ESCO2: variants seen among roughly 807,000 people sequenced by gnomAD.
ESCO2 encodes establishment of sister chromatid cohesion N-acetyltransferase 2.
ESCO2 carries 51 observed loss-of-function variants against 61.7 expected under a neutral mutation model. That is an observed-to-expected ratio of 0.83 (90% CI 0.66 to 1.04). ESCO2 has a LOEUF of 1.04. Ranked by LOEUF, ESCO2 falls within the 50% of genes least tolerant of loss-of-function variation. The pLI is 0.00. For synonymous variants in ESCO2, 230 were observed against 238.2 expected, an observed-to-expected ratio of 0.97 and a Z score of 0.32; for missense variants, 692 against 686.2, an observed-to-expected ratio of 1.01 and a Z score of -0.09.
chr8:27,793,471 TTTTC>T (rs1203474541), intron 9 of ESCO2, among the ~76,000 whole-genome samples: 1 of 143,264 alleles, frequency 7.0e-6, no homozygotes, highest in African/African-American at 2.6e-5. Flanking sequence ...GCAATTTTCT[TTTTC>T]TTTGTTTTTT....
chr8:27,817,125 TGTGA>T (rs746181343), downstream of ESCO2, among the ~76,000 whole-genome samples: 1 of 152,174 alleles, frequency 6.6e-6, no homozygotes, highest in South Asian at 2.1e-4. Flanking sequence ...CTACAAAAGC[TGTGA>T]GTGAGTCCAG....
chr8:27,785,593 A>G (rs1280293357), intron 5 of ESCO2, among the ~76,000 whole-genome samples: 9 of 151,254 alleles, frequency 6.0e-5, no homozygotes, highest in Admixed American at 5.9e-4. Flanking sequence ...CCAGCTACTC[A>G]GGAAGCTGAG....
chr8:27,795,349 CT>C (rs1370494314), intron 9 of ESCO2, among the ~76,000 whole-genome samples: 3 of 152,086 alleles, frequency 2.0e-5, no homozygotes, highest in African/African-American at 7.2e-5. Context: ...AGAAACACTA[CT>C]GACTTTTGTA....
chr8:27,775,407 C>G, intron 1 of ESCO2, 92 bp from the exon 2 acceptor site: 3 of 1,122,952 alleles, frequency 2.7e-6, no homozygotes, highest in Admixed American at 1.7e-5. Flanking sequence ...AGGGTTTTAA[C>G]TTGGTGTGAA....
downstream of ESCO2, chr8:27,808,304 T>G (rs538067849): frequency 1.9e-4 from 149 of 801,304 alleles, 1 homozygote; most frequent in South Asian, 2.8e-3. Context: ...TCCTGGAGGC[T>G]TCTACAGATT....
intron 7 of ESCO2, among the ~76,000 whole-genome samples, chr8:27,790,131 CAT>C (rs1805144316): frequency 6.6e-6 from 1 of 152,216 alleles, no homozygotes. Flanking sequence ...CACCTTGTCA[CAT>C]GACACATTCC....
chr8:27,814,019 T>C (rs115111278), downstream of ESCO2, among the ~76,000 whole-genome samples: 576 of 152,306 alleles, frequency 3.8e-3, 5 homozygotes, highest in African/African-American at 0.013. Flanking sequence ...TCAGGACCGA[T>C]AGGATGTCCT....
At position 27,780,178 on chromosome 8, in the gene ESCO2, C is replaced by G; in HGVS notation, c.866C>G (p.Ser289Ter). The G allele has an allele frequency of 1.3e-6, 2 of 1,594,116 alleles. No individual in the cohort carries two copies. The highest frequency in any genetic ancestry group is 1.7e-6 in the Non-Finnish European group (2 of 1,164,232). The part of the protein sequence containing the change: ...SKNKEKLIKD[S>*]SDDRVSSKEH... ...TTTTTTTAAACCTATTTTCAGGATT[C>G]ATCAGATGACAGAGTTTCTTCAAAG... The change falls in exon 4 of 11, where the codon TCA becomes TGA. Residue 289 changes from serine to a stop codon, truncating the protein, a stop_gained. Transcript: ENST00000305188. LOFTEE classifies it high-confidence loss of function.
Position 27,776,357 on chromosome 8 carries a change from T to C in ESCO2, c.54-5T>C, listed in dbSNP as rs2128951006. The C allele has an allele frequency of 1.9e-6, 3 of 1,599,722 alleles. 1 individual carries two copies. In the South Asian group the frequency reaches 3.4e-5, roughly 18 times the overall value. ...CTTATCAATGGACTTTGTTTCTTTT[T>C]ATAGCCTTTTACACTTCACTGAAAA... On this transcript the variant is annotated splice_region_variant and splice_polypyrimidine_tract_variant and intron_variant, in intron 2 of 10. Transcript: ENST00000305188.
intron 9 of ESCO2, among the ~76,000 whole-genome samples, chr8:27,797,290 T>C (rs892335681): frequency 6.6e-6 from 1 of 152,228 alleles, no homozygotes; most frequent in African/African-American, 2.4e-5. Flanking sequence ...TATTTACAAC[T>C]GTTTTATCTT....
downstream of ESCO2, among the ~76,000 whole-genome samples, chr8:27,806,520 A>G (rs1805566673): frequency 6.6e-6 from 1 of 152,214 alleles, no homozygotes; most frequent in Non-Finnish European, 1.5e-5. Flanking sequence ...AAAGCTACCA[A>G]CAACAAAAAA....
chr8:27,792,880 T>C, intron 9 of ESCO2, 69 bp downstream of exon 9: 6 of 1,487,464 alleles, frequency 4.0e-6, no homozygotes, highest in South Asian at 2.7e-5. Context: ...GGGAGAAGTC[T>C]CAGCATTTAA....
chr8:27,790,123 C>G (rs1427288825), intron 7 of ESCO2, among the ~76,000 whole-genome samples: 2 of 152,188 alleles, frequency 1.3e-5, no homozygotes, highest in Non-Finnish European at 2.9e-5. Context: ...CCCCTGCCCA[C>G]CTTGTCACAT....
rs1382129932 is a variant in ESCO2 at position 27,804,539 on chromosome 8, T to G, written c.*1101T>G. On this transcript the variant is annotated 3_prime_UTR_variant, in exon 11 of 11. Coordinates refer to ENST00000305188, the MANE Select transcript of ESCO2 (RefSeq NM_001017420.3). The stretch of plus-strand genomic sequence containing the variant: ...ATACACTTAAATGTTCACACATTTT[T>G]CTAGTGTAATTCTTGGATACTTTAA... 2.0e-6 allele frequency: 2 copies of G among 985,342 alleles called. No homozygotes were observed. The highest frequency in any genetic ancestry group is 2.4e-6 in the Non-Finnish European group (2 of 829,934). 61.0% of individuals were successfully genotyped at this position (985,342 alleles called of 1,614,324 possible).
At chr8:27,783,431 T>G (rs1244920304) in intron 4 of ESCO2, among the ~76,000 whole-genome samples, 1 of 152,168 alleles carries the variant, frequency 6.6e-6, no homozygotes, top group East Asian at 1.9e-4. Flanking sequence ...TACCTTTTCA[T>G]TCTCTTTATT....
chr8:27,774,271 T>C (rs1411661551), upstream of ESCO2: 2 of 152,114 alleles, frequency 1.3e-5, no homozygotes, highest in Non-Finnish European at 2.9e-5. Context: ...CCCCAGAATG[T>C]ATCTCAACTT....
At chr8:27,782,550 G>A (rs1804948444) in intron 4 of ESCO2, among the ~76,000 whole-genome samples, 1 of 152,054 alleles carries the variant, frequency 6.6e-6, no homozygotes, top group Admixed American at 6.6e-5. Context: ...AGTTCATGTT[G>A]AGGTTGAGAT....
chr8:27,811,207 G>C, downstream of ESCO2: 1 of 1,367,276 alleles, frequency 7.3e-7, no homozygotes, highest in Non-Finnish European at 1.0e-6. Flanking sequence ...AAGGGAAACA[G>C]GCGAACGATT....
chr8:27,777,336 T>G, intron 3 of ESCO2, 167 bp downstream of exon 3: 1 of 634,230 alleles, frequency 1.6e-6, no homozygotes, highest in South Asian at 2.1e-5. Flanking sequence ...GACAGGGTCT[T>G]TCTTTATGAC....
Sources: gnomAD v4.1 joint callset for allele counts (sites outside exome capture counted in the v4.1 genomes callset) on GRCh38, gnomAD v4.1.1 for gene constraint, MANE v1.5 for transcripts, NCBI Gene and HGNC (gene_info 2026-07-23, HGNC 2026-07-21) for gene names.